Variants in PPRC1 observed in about 807,000 individuals in gnomAD.
PPRC1 encodes peroxisome proliferator-activated receptor gamma coactivator-related protein 1.
PPRC1 carries 23 observed loss-of-function variants against 132.5 expected under a neutral mutation model. The observed-to-expected ratio is 0.17, with a 90% CI of 0.12 to 0.25. The LOEUF (loss-of-function observed/expected upper bound fraction) is 0.25. PPRC1 is among the 10% of genes least tolerant of loss of function. The pLI, the probability that PPRC1 is intolerant of heterozygous loss-of-function variation, is 1.00. For synonymous variants in PPRC1, 872 were observed against 833.5 expected (o/e 1.05, Z -0.80); for missense variants, 2,006 against 2,089.1 (o/e 0.96, Z 0.78).
chr10:102,149,509 A>T (rs896856600), intron 13 of PPRC1, among the ~76,000 whole-genome samples, 180 bp downstream of exon 13: 3 of 152,062 alleles, frequency 2.0e-5, no homozygotes, highest in African/African-American at 7.2e-5. Context: ...GAGGCAGGCA[A>T]ATCACGAGGT....
At chr10:102,142,088 C>A in intron 5 of PPRC1, 84 bp downstream of exon 5, 2 of 1,449,452 alleles carry the variant, frequency 1.4e-6, no homozygotes, top group Non-Finnish European at 9.3e-7. Context: ...ATGAGGCTGG[C>A]CTTTGTTGGA....
intron 1 of PPRC1, among the ~76,000 whole-genome samples, chr10:102,134,841 A>G (rs1366424928): frequency 1.3e-5 from 2 of 152,316 alleles, no homozygotes; most frequent in East Asian, 3.9e-4. Context: ...CTGAATTCCC[A>G]AATAGCACAG....
rs751829107 is a variant in PPRC1, at chr10:102,139,094, C to T, written c.592-6C>T. 3 of 1,607,236 alleles carry T rather than the reference C, an allele frequency of 1.9e-6. No homozygotes were observed. Among genetic ancestry groups the T allele is most frequent in the South Asian group, 2.2e-5 (2 of 90,634 alleles). On this transcript the variant is annotated splice_polypyrimidine_tract_variant and splice_region_variant and intron_variant, in intron 4 of 13. Coordinates refer to ENST00000278070, the MANE Select transcript of PPRC1 (RefSeq NM_015062.5). ...CTCCTCCTGAGACCTCTCTTCTCTCCTGCAGGTTGAAATGTCTCTTCCAGA... is the reference window on the plus strand; with the variant it reads ...CTCCTCCTGAGACCTCTCTTCTCTCTTGCAGGTTGAAATGTCTCTTCCAGA...
chr10:102,139,156 G>T lies in PPRC1; in HGVS notation c.648G>T (p.Glu216Asp). ...ACTTCTCCCCACCCTCTTTCTTAGA[G>T]ACCTCTTCCCCCAAGCTTCCTAGCT... ...SWDFSPPSFLETSSPKLPSWR... is the reference protein window; with the variant it reads ...SWDFSPPSFLDTSSPKLPSWR... The change falls in exon 5 of 14, where the codon GAG becomes GAT. Residue 216 changes from glutamate (E) to aspartate (D), a missense_variant. Around this residue, in one of 2 missense-constraint regions of PPRC1, gnomAD observed 1,914 missense variants for 1,917.2 expected, o/e 1.00. Coordinates refer to ENST00000278070, the MANE Select transcript of PPRC1 (RefSeq NM_015062.5). 6.2e-7 allele frequency: 1 copy of T among 1,613,002 alleles called. No homozygotes were observed. The highest frequency in any genetic ancestry group is 1.1e-5 in the South Asian group (1 of 90,998).
In PPRC1 at chr10:102,148,776, T is replaced by G. The variant is rs1296768211; in HGVS notation, c.4618-41T>G. 15 of 1,614,142 alleles carry G rather than the reference T, an allele frequency of 9.3e-6. No homozygotes were observed. The highest frequency in any genetic ancestry group is 1.3e-5 in the Non-Finnish European group (15 of 1,180,008). ...AGAGAGCTGCCTGCAGCTGTAGCCC[T>G]GGCTAATGGTGTGTTGATTTTTTTT... On this transcript the variant is annotated intron_variant, in intron 11 of 13. Transcript: ENST00000278070. The surrounding 1 kb of genome is among the most constrained non-coding windows in gnomAD (Gnocchi z 4.2).
intron 1 of PPRC1, among the ~76,000 whole-genome samples, chr10:102,135,687 A>G (rs1282365024): frequency 6.6e-6 from 1 of 152,192 alleles, no homozygotes; most frequent in Admixed American, 6.5e-5. Context: ...CCTGTAAGCT[A>G]TATTAAAGAG....
upstream of PPRC1, among the ~76,000 whole-genome samples, chr10:102,132,174 A>G (rs975149546): frequency 6.6e-6 from 1 of 152,260 alleles, no homozygotes; most frequent in African/African-American, 2.4e-5. Flanking sequence ...TGGGCAGTAG[A>G]ACTATAATTT....
the PPRC1 span, among the ~76,000 whole-genome samples, chr10:102,127,567 C>T: frequency 2.0e-5 from 3 of 148,048 alleles, no homozygotes; most frequent in African/African-American, 8.0e-5. Context: ...CTACCACGCC[C>T]GGCTAATTTT....
At chr10:102,126,619 C>T in the PPRC1 span, among the ~76,000 whole-genome samples, 11 of 151,940 alleles carry the variant, frequency 7.2e-5, no homozygotes, top group Admixed American at 7.2e-4. Flanking sequence ...CCACCATGCC[C>T]AGCTAATTTT....
chr10:102,147,110 C>T lies in PPRC1; in HGVS notation c.4118C>T (p.Ser1373Phe), dbSNP rs1475411821. 6.2e-7 allele frequency: 1 copy of T among 1,614,188 alleles called. No individual in the cohort carries two copies. The highest frequency in any genetic ancestry group is 1.1e-5 in the South Asian group (1 of 91,082). Residue 1373 changes from serine (S) to phenylalanine (F), a missense_variant, in exon 9 of 14, where the codon TCC (serine) becomes TTC (phenylalanine). This residue lies in a region of PPRC1 where 1,914 missense variants were observed against 1,917.2 expected (regional missense o/e 1.00). Transcript: ENST00000278070. Reference sequence around the variant, plus strand: ...CCCTCAGCACCCTGCCTTGCCCCATCCAGCTTGCTGTCCCCTGAGGCCTCA... The same window carrying T: ...CCCTCAGCACCCTGCCTTGCCCCATTCAGCTTGCTGTCCCCTGAGGCCTCA... ...ADPSAPCLAP[S>F]SLLSPEASPC...
Position 102,146,922 on chromosome 10 carries a change from TG to T in PPRC1, c.3931del (p.Ala1311ProfsTer2). ...RSRTPPKKMP[A>X]LVIPEVGSRW... ...GCAGGACCCCCCCAAAAAAGATGCC[TG>T]CCCTAGTCATTCCAGAGGTGGGCTC... On this transcript the variant is annotated frameshift_variant, in exon 9 of 14. Coordinates refer to ENST00000278070, the MANE Select transcript of PPRC1 (RefSeq NM_015062.5). LOFTEE classifies it high-confidence loss of function. 6.2e-7 allele frequency: 1 copy of T among 1,614,052 alleles called. No homozygotes were observed. The highest frequency in any genetic ancestry group is 8.5e-7 in the Non-Finnish European group (1 of 1,179,988).
At chr10:102,133,366 G>A (rs35674448) in intron 1 of PPRC1, 145 bp downstream of exon 1, 1 of 656,400 alleles carries the variant, frequency 1.5e-6, no homozygotes, top group Non-Finnish European at 2.2e-6. Flanking sequence ...GTGGGCCCTA[G>A]GCCGTTTGCT....
At position 102,141,345 on chromosome 10, in the gene PPRC1, T is replaced by C. The variant is rs745734246; in HGVS notation, c.2837T>C (p.Val946Ala). Residue 946 changes from valine to alanine, a missense_variant, in exon 5 of 14, where the codon GTG becomes GCG. This residue lies in a region of PPRC1 where 1,914 missense variants were observed against 1,917.2 expected (regional missense o/e 1.00). Coordinates refer to ENST00000278070, the MANE Select transcript of PPRC1 (RefSeq NM_015062.5). ...CCCCCCCCACCAACGGTGCCCCTAGTGTCTGGTACTCCTGGTGCCTATGCC... is the reference window on the plus strand; with the variant it reads ...CCCCCCCCACCAACGGTGCCCCTAGCGTCTGGTACTCCTGGTGCCTATGCC... ...CLPPPPTVPL[V>A]SGTPGAYAVP... 5 of 1,614,118 alleles carry C rather than the reference T, an allele frequency of 3.1e-6. No individual in the cohort carries two copies. The Admixed American group carries it at 6.7e-5, about 22-fold the overall frequency.
chr10:102,146,785 C>T lies in PPRC1; in HGVS notation c.3793C>T (p.Pro1265Ser). Residue 1265 changes from proline to serine, a missense_variant, in exon 9 of 14, where the codon CCT becomes TCT. Coordinates refer to ENST00000278070, the MANE Select transcript of PPRC1 (RefSeq NM_015062.5). ...CACCGCCCAGGAGGGAACCCTGAAG[C>T]CTGAAGGAGTTACGGAGGCCAAACA... is the stretch of plus-strand genomic sequence containing the variant. ...KSTAQEGTLK[P>S]EGVTEAKHPA... 1 of 1,614,072 alleles carries T rather than the reference C, an allele frequency of 6.2e-7. No individual in the cohort carries two copies. Among genetic ancestry groups the T allele is most frequent in the Admixed American group, 1.7e-5 (1 of 60,008 alleles).
rs773386954 is a variant in PPRC1, at chr10:102,141,147, C to T, written c.2639C>T (p.Pro880Leu). The T allele has an allele frequency of 4.3e-6, 7 of 1,613,906 alleles. No homozygotes were observed. The Admixed American group carries it at 5.0e-5, about 12-fold the overall frequency. Residue 880 changes from proline (P) to leucine (L), a missense_variant, in exon 5 of 14, where the codon CCT (proline) becomes CTT (leucine). By Grantham distance (98) the Pro-to-Leu change is moderately conservative. Around this residue, in one of 2 missense-constraint regions of PPRC1, gnomAD observed 1,914 missense variants for 1,917.2 expected, o/e 1.00. Transcript: ENST00000278070. Reference sequence around the variant, plus strand: ...CCTCCCTCGATGTCTGCTGCCCTGCCTTTCCCTGCAGGTGGGCTTGGCATG... The same window carrying T: ...CCTCCCTCGATGTCTGCTGCCCTGCTTTTCCCTGCAGGTGGGCTTGGCATG... ...PTPPSMSAAL[P>L]FPAGGLGMPP... is the part of the protein sequence containing the mutation.
In PPRC1 at chr10:102,141,976, TGTG is replaced by T. The variant is rs761396635; in HGVS notation, c.3471_3473del (p.Val1158del). On this transcript the variant is annotated inframe_deletion, in exon 5 of 14. Transcript: ENST00000278070. ...CCCCACGTACTCAGGGTTCTGAAGATGTGGTACAGGCTTTCATCAGTGAGATTG... is the reference window on the plus strand; with the variant it reads ...CCCCACGTACTCAGGGTTCTGAAGATGTACAGGCTTTCATCAGTGAGATTG... 1.2e-6 allele frequency: 2 copies of T among 1,613,122 alleles called. No homozygotes were observed. The highest frequency in any genetic ancestry group is 1.7e-6 in the Non-Finnish European group (2 of 1,179,368).
chr10:102,148,543 G>A lies in PPRC1; in HGVS notation c.4550+22G>A, dbSNP rs752886005. ...GGCGGTGAGCATGTGTTCAGGGAGC[G>A]CCATGCACCTGGGATGCAGGTGCCT... On this transcript the variant is annotated intron_variant, in intron 10 of 13. Transcript: ENST00000278070. This position sits in a 1 kb window ranked among gnomAD's most constrained non-coding sequence, Gnocchi z 4.2. 18 of 1,611,932 alleles carry A rather than the reference G, an allele frequency of 1.1e-5. No homozygotes were observed. The highest frequency in any genetic ancestry group is 4.5e-5 in the East Asian group (2 of 44,880).
chr10:102,147,200 G>A lies in PPRC1; in HGVS notation c.4208G>A (p.Arg1403His), dbSNP rs376130705. ...PEPSAKQRSM[R>H]CYRKACRSAS... ...CCCTCAGCCAAGCAGCGGTCAATGCGCTGTTACCGAAAAGCCTGCAGGTCA... is the reference window on the plus strand; with the variant it reads ...CCCTCAGCCAAGCAGCGGTCAATGCACTGTTACCGAAAAGCCTGCAGGTCA... Residue 1403 changes from arginine (R) to histidine (H), a missense_variant, in exon 9 of 14, where the codon CGC becomes CAC. Physicochemically the swap from Arg to His is conservative, Grantham distance 29. Coordinates refer to ENST00000278070, the MANE Select transcript of PPRC1 (RefSeq NM_015062.5). 43 of 1,613,638 alleles carry A rather than the reference G, an allele frequency of 2.7e-5. No homozygotes were observed. Among genetic ancestry groups the A allele is most frequent in the Admixed American group, 1.3e-4 (8 of 60,008 alleles).
At position 102,148,497 on chromosome 10, in the gene PPRC1, G is replaced by C. The variant is rs779767512; in HGVS notation, c.4526G>C (p.Arg1509Pro). The change falls in exon 10 of 14, where the codon CGC becomes CCC. Residue 1509 changes from arginine to proline, a missense_variant. Transcript: ENST00000278070. This position sits in a 1 kb window ranked among gnomAD's most constrained non-coding sequence, Gnocchi z 4.2. Reference protein sequence around the residue: ...SRSRSRSPSPRRRSDRRRRYS... With the variant: ...SRSRSRSPSPPRRSDRRRRYS... ...AGCCGCTCACGATCCCCATCCCCCC[G>C]CCGGAGAAGTGACAGGAGGCGGCGG... The C allele has an allele frequency of 1.2e-6, 2 of 1,613,320 alleles. No individual in the cohort carries two copies. Among genetic ancestry groups the C allele is most frequent in the South Asian group, 2.2e-5 (2 of 91,054 alleles).
Sources: gnomAD v4.1 joint callset for allele counts (sites outside exome capture counted in the v4.1 genomes callset) on GRCh38, gnomAD v4.1.1 for gene constraint, gnomAD v4.1.1 regional missense constraint, Gnocchi (gnomAD v3.1) non-coding constraint, MANE v1.5 for transcripts, NCBI Gene and HGNC (gene_info 2026-07-23, HGNC 2026-07-21) for gene names.